BBS9: variants seen among roughly 807,000 people sequenced by gnomAD.
The protein encoded by BBS9 is Bardet-Biedl syndrome 9, also known as protein PTHB1.
Under a neutral mutation model 117.7 loss-of-function variants are expected in BBS9, and 89 were observed. That is an observed-to-expected ratio of 0.76 (90% CI 0.64 to 0.90). The LOEUF (loss-of-function observed/expected upper bound fraction) is 0.90, where lower values mean the gene tolerates loss of function less well. Among genes scored for constraint, BBS9 ranks in the 40% least tolerant of loss-of-function variants. The pLI is 0.00. For missense variants in BBS9, 982 were observed against 1,042.2 expected (o/e 0.94, Z 0.80); for synonymous variants, 379 against 370.9 (o/e 1.02, Z -0.25).
chr7:33,569,706 G>A (rs924451150), intron 21 of BBS9, among the ~76,000 whole-genome samples: 2 of 152,094 alleles, frequency 1.3e-5, no homozygotes, highest in African/African-American at 2.4e-5. Context: ...AAATTGCAAT[G>A]AGCCGAGATC....
In BBS9 at chr7:33,207,400, T is replaced by C. The variant is rs1335247265; in HGVS notation, c.442+29809T>C. Among the ~76,000 whole-genome samples, 7 of 152,232 alleles carry C rather than the reference T, an allele frequency of 4.6e-5. No individual in the cohort carries two copies. In the East Asian group the frequency reaches 1.3e-3, roughly 29 times the overall value. On this transcript the variant is annotated intron_variant, in intron 5 of 22. Transcript: ENST00000242067. ...CCTATTTATTTGTCTGCTTATTATG[T>C]GGATTCATGAATTTCAATTTTTTTC...
At chr7:33,288,873 C>T (rs1289266397) in intron 9 of BBS9, among the ~76,000 whole-genome samples, 1 of 152,046 alleles carries the variant, frequency 6.6e-6, no homozygotes, top group Non-Finnish European at 1.5e-5. Context: ...TTATTGTTAT[C>T]CTCATTTTAT....
intron 1 of BBS9, among the ~76,000 whole-genome samples, chr7:33,145,881 G>A (rs898091997): frequency 2.0e-5 from 3 of 152,182 alleles, no homozygotes; most frequent in Non-Finnish European, 4.4e-5. Flanking sequence ...AGACTGAAAG[G>A]AAGTTAGGTA....
chr7:33,140,186 G>A (rs1484316268), intron 1 of BBS9, among the ~76,000 whole-genome samples: 9 of 151,852 alleles, frequency 5.9e-5, no homozygotes, highest in African/African-American at 2.2e-4. Flanking sequence ...CACCACACCC[G>A]GCTAATTTTT....
At chr7:33,551,243 G>A (rs1446108865) in intron 21 of BBS9, among the ~76,000 whole-genome samples, 1 of 152,110 alleles carries the variant, frequency 6.6e-6, no homozygotes, top group African/African-American at 2.4e-5. Flanking sequence ...GTTGACTGCC[G>A]CTATAGTTAT....
At chr7:33,324,843 C>T (rs772067725) in intron 9 of BBS9, among the ~76,000 whole-genome samples, 1 of 152,164 alleles carries the variant, frequency 6.6e-6, no homozygotes, top group Non-Finnish European at 1.5e-5. Context: ...AGTTTTCTGC[C>T]AGACATACTG....
chr7:33,316,275 G>T (rs540204545), intron 9 of BBS9, among the ~76,000 whole-genome samples: 1 of 152,252 alleles, frequency 6.6e-6, no homozygotes, highest in South Asian at 2.1e-4. Context: ...ATTCATCTGT[G>T]TTGTTGCATG....
intron 19 of BBS9, among the ~76,000 whole-genome samples, chr7:33,444,731 A>C (rs117046523): frequency 2.6e-5 from 4 of 152,336 alleles, no homozygotes; most frequent in East Asian, 3.9e-4. Context: ...AGAACATCGC[A>C]TGATGGGAGG....
chr7:33,333,815 T>C lies in BBS9; in HGVS notation c.1017-2626T>C, dbSNP rs374395972. 3.9e-5 allele frequency among the ~76,000 whole-genome samples: 6 copies of C among 152,280 alleles called. No homozygotes were observed. In the East Asian group the frequency reaches 7.7e-4, roughly 20 times the overall value. ...TTAGTGGAGATGGGATTTCACCACA[T>C]TGGCCAGGCTGGTTTTGAACTTCTG... On this transcript the variant is annotated intron_variant, in intron 9 of 22. Coordinates refer to ENST00000242067, the MANE Select transcript of BBS9 (RefSeq NM_198428.3).
At chr7:33,382,588 A>G (rs549437470) in intron 17 of BBS9, among the ~76,000 whole-genome samples, 3 of 152,308 alleles carry the variant, frequency 2.0e-5, no homozygotes, top group African/African-American at 7.2e-5. Flanking sequence ...GTAAGTCTCT[A>G]TATAAATTCA....
intron 19 of BBS9, among the ~76,000 whole-genome samples, chr7:33,472,229 A>G (rs1181503148): frequency 6.6e-6 from 1 of 152,210 alleles, no homozygotes; most frequent in South Asian, 2.1e-4. Flanking sequence ...CACTGTGAAG[A>G]TGTCCAGGTA....
intron 21 of BBS9, among the ~76,000 whole-genome samples, chr7:33,584,066 A>G (rs1860473196): frequency 6.6e-6 from 1 of 152,066 alleles, no homozygotes; most frequent in Admixed American, 6.6e-5. Context: ...GGCAGAGGAT[A>G]TAATTTAATT....
chr7:33,410,869 T>A (rs1359190842), intron 19 of BBS9, among the ~76,000 whole-genome samples: 1 of 54,144 alleles, frequency 1.8e-5, no homozygotes, highest in Non-Finnish European at 3.4e-5. Flanking sequence ...AGATGCAACC[T>A]TTTTCTCCTT....
intron 20 of BBS9, among the ~76,000 whole-genome samples, chr7:33,528,078 A>T (rs975555417): frequency 3.3e-5 from 5 of 152,250 alleles, no homozygotes; most frequent in Non-Finnish European, 5.9e-5. Context: ...ACAAAGTAAT[A>T]ACCATAATCT....
intron 5 of BBS9, among the ~76,000 whole-genome samples, chr7:33,195,353 C>T (rs1436006793): frequency 6.6e-6 from 1 of 152,104 alleles, no homozygotes; most frequent in Non-Finnish European, 1.5e-5. Context: ...TAGCCAACTT[C>T]TAAGTTTTAT....
chr7:33,621,145 TTGATCTGGGCAG>T (rs1399190772), intron 21 of BBS9, among the ~76,000 whole-genome samples: 12 of 152,254 alleles, frequency 7.9e-5, no homozygotes, highest in African/African-American at 2.6e-4. Flanking sequence ...CTTCTTAACA[TTGATCTGGGCAG>T]TGATTATTTG....
At chr7:33,217,943 A>T (rs2064966229) in intron 5 of BBS9, among the ~76,000 whole-genome samples, 1 of 152,256 alleles carries the variant, frequency 6.6e-6, no homozygotes, top group African/African-American at 2.4e-5. Context: ...ATTAAAAGCA[A>T]ATGGCGAAAG....
chr7:33,351,433 T>A, intron 14 of BBS9, 110 bp downstream of exon 14: 1 of 804,154 alleles, frequency 1.2e-6, no homozygotes, highest in Non-Finnish European at 2.2e-6. Context: ...TGAGAAAATG[T>A]TATTTTCTAC....
At chr7:33,169,380 C>T (rs1172003111) in intron 4 of BBS9, among the ~76,000 whole-genome samples, 5 of 151,654 alleles carry the variant, frequency 3.3e-5, no homozygotes, top group South Asian at 2.1e-4. Context: ...CCTGAGGAAT[C>T]GCCATACTGA....
Sources: allele counts gnomAD v4.1 joint callset (sites outside exome capture counted in the v4.1 genomes callset), GRCh38; gene constraint gnomAD v4.1.1; transcripts MANE v1.5; gene names NCBI Gene and HGNC (gene_info 2026-07-23, HGNC 2026-07-21).